TMTC1: variants seen among roughly 807,000 people sequenced by gnomAD.
The protein encoded by TMTC1 is protein O-mannosyl-transferase TMTC1.
TMTC1 carries 73 observed loss-of-function variants against 104.8 expected under a neutral mutation model. That is an observed-to-expected ratio of 0.70 (90% confidence interval 0.58 to 0.85). The LOEUF (loss-of-function observed/expected upper bound fraction) is 0.85, where lower values mean the gene tolerates loss of function less well. Ranked by LOEUF, TMTC1 falls within the 40% of genes least tolerant of loss-of-function variation. The pLI is 0.00. For synonymous variants in TMTC1, 434 were observed against 428.7 expected (o/e 1.01, Z -0.15); for missense variants, 1,035 against 1,096.1 (o/e 0.94, Z 0.79).
chr12:29,736,498 C>G (rs1942678560), intron 5 of TMTC1, among the ~76,000 whole-genome samples: 1 of 152,048 alleles, frequency 6.6e-6, no homozygotes, highest in Admixed American at 6.5e-5. Flanking sequence ...GGGCTCACTG[C>G]AACCTCCGTC....
At chr12:29,728,818 G>A (rs1362215308) in intron 5 of TMTC1, among the ~76,000 whole-genome samples, 2 of 149,566 alleles carry the variant, frequency 1.3e-5, no homozygotes, top group African/African-American at 5.0e-5. Context: ...CCAACATAAT[G>A]AAACCGCCGT....
At chr12:29,690,109 T>C (rs1941221700) in intron 5 of TMTC1, among the ~76,000 whole-genome samples, 1 of 152,168 alleles carries the variant, frequency 6.6e-6, no homozygotes, top group South Asian at 2.1e-4. Context: ...ATAATATAAT[T>C]TGCAAAAGTA....
chr12:29,675,638 T>C (rs1404335518), intron 5 of TMTC1, among the ~76,000 whole-genome samples: 1 of 147,824 alleles, frequency 6.8e-6, no homozygotes, highest in Non-Finnish European at 1.5e-5. Flanking sequence ...ACACCCTCCA[T>C]GACTTTCTGT....
At chr12:29,700,505 T>C (rs1040767809) in intron 5 of TMTC1, among the ~76,000 whole-genome samples, 1 of 152,082 alleles carries the variant, frequency 6.6e-6, no homozygotes, top group African/African-American at 2.4e-5. Context: ...AGGCCTTGGA[T>C]AGTATTTTAT....
chr12:29,698,310 AGT>A (rs936232566), intron 5 of TMTC1, among the ~76,000 whole-genome samples: 1 of 152,162 alleles, frequency 6.6e-6, no homozygotes, highest in African/African-American at 2.4e-5. Context: ...CCTATGTGGA[AGT>A]GTATATAACC....
chr12:29,596,931 C>T (rs907493492), intron 7 of TMTC1, among the ~76,000 whole-genome samples: 1 of 152,198 alleles, frequency 6.6e-6, no homozygotes, highest in African/African-American at 2.4e-5. Context: ...GACTCAGCAC[C>T]ACTCACCCTC....
At chr12:29,688,766 T>G (rs1941175099) in intron 5 of TMTC1, among the ~76,000 whole-genome samples, 1 of 152,210 alleles carries the variant, frequency 6.6e-6, no homozygotes, top group South Asian at 2.1e-4. Flanking sequence ...ATAACTTGCT[T>G]GAGCTACTAA....
At chr12:29,735,137 T>C (rs890990104) in intron 5 of TMTC1, among the ~76,000 whole-genome samples, 3 of 152,360 alleles carry the variant, frequency 2.0e-5, no homozygotes, top group African/African-American at 4.8e-5. Flanking sequence ...ATTCAGCATA[T>C]AGACCTGCAT....
intron 7 of TMTC1, among the ~76,000 whole-genome samples, chr12:29,588,252 T>C (rs1463940820): frequency 6.6e-6 from 1 of 152,170 alleles, no homozygotes; most frequent in East Asian, 1.9e-4. Context: ...GTCTCTAATG[T>C]AAAAACAAAA....
chr12:29,633,838 C>A (rs867081017), intron 5 of TMTC1, among the ~76,000 whole-genome samples: 37 of 152,206 alleles, frequency 2.4e-4, no homozygotes, highest in African/African-American at 8.9e-4. Flanking sequence ...ACAAGGACAG[C>A]CAGGTAGACA....
At chr12:29,770,727 TA>T (rs1943576300) in intron 1 of TMTC1, among the ~76,000 whole-genome samples, 1 of 152,192 alleles carries the variant, frequency 6.6e-6, no homozygotes, top group Non-Finnish European at 1.5e-5. Flanking sequence ...GAGTTAGGAA[TA>T]TTTTTAAAAT....
At chr12:29,693,428 T>C (rs530598311) in intron 5 of TMTC1, among the ~76,000 whole-genome samples, 1 of 147,322 alleles carries the variant, frequency 6.8e-6, no homozygotes, top group African/African-American at 2.5e-5. Context: ...CTATTAACTA[T>C]AGTCAGTCTA....
chr12:29,535,086 G>C (rs1453663187), intron 11 of TMTC1: 1 of 152,302 alleles, frequency 6.6e-6, no homozygotes, highest in Admixed American at 6.5e-5. Context: ...CTGAGTAACT[G>C]CAAAACAACC....
chr12:29,677,695 T>G (rs1417682236), intron 5 of TMTC1, among the ~76,000 whole-genome samples: 3 of 152,222 alleles, frequency 2.0e-5, no homozygotes, highest in Non-Finnish European at 4.4e-5. Flanking sequence ...ACTTGGGAAG[T>G]GAATCCTCCC....
chr12:29,614,571 T>C (rs924095431), intron 6 of TMTC1, among the ~76,000 whole-genome samples: 1 of 152,216 alleles, frequency 6.6e-6, no homozygotes, highest in Non-Finnish European at 1.5e-5. Context: ...TATCAAATGC[T>C]TGTAATTTTC....
intron 5 of TMTC1, among the ~76,000 whole-genome samples, chr12:29,718,791 C>G (rs539704841): frequency 2.0e-5 from 3 of 151,780 alleles, no homozygotes; most frequent in Non-Finnish European, 4.4e-5. Context: ...AAATTAGCCA[C>G]GAGTGGTGAC....
intron 5 of TMTC1, among the ~76,000 whole-genome samples, chr12:29,713,091 C>T (rs1048250300): frequency 6.6e-6 from 1 of 151,838 alleles, no homozygotes; most frequent in Admixed American, 6.6e-5. Context: ...GAAAAAGACT[C>T]AGGTCCCCCA....
chr12:29,722,784 G>A (rs1942271447), intron 5 of TMTC1, among the ~76,000 whole-genome samples: 1 of 151,928 alleles, frequency 6.6e-6, no homozygotes, highest in African/African-American at 2.4e-5. Flanking sequence ...AGCAGGGTGT[G>A]GTGGCACGCG....
chr12:29,661,079 G>T (rs1939999549), intron 5 of TMTC1, among the ~76,000 whole-genome samples: 1 of 152,072 alleles, frequency 6.6e-6, no homozygotes, highest in Non-Finnish European at 1.5e-5. Context: ...CCTCGGGCAA[G>T]TTTCCGAACC....
Sources: gnomAD v4.1 joint callset for allele counts (sites outside exome capture counted in the v4.1 genomes callset) on GRCh38, gnomAD v4.1.1 for gene constraint, MANE v1.5 for transcripts, NCBI Gene and HGNC (gene_info 2026-07-23, HGNC 2026-07-21) for gene names.